Variants in LRP1B observed in about 807,000 individuals in gnomAD.
LRP1B encodes the protein LDL receptor related protein 1B.
LRP1B carries 217 observed loss-of-function variants against 556.6 expected under a neutral mutation model. That is an observed-to-expected ratio of 0.39 (90% CI 0.35 to 0.44). The LOEUF (loss-of-function observed/expected upper bound fraction) is 0.44, where lower values mean the gene tolerates loss of function less well. LRP1B is among the 20% of genes least tolerant of loss of function. The probability of loss-of-function intolerance (pLI) is 1.00; values close to 1 mark genes in which losing one functional copy is unlikely to be tolerated. For synonymous variants in LRP1B, 2,047 were observed against 1,865.8 expected, an observed-to-expected ratio of 1.10 and a Z score of -2.50; for missense variants, 5,053 against 5,620.8, an observed-to-expected ratio of 0.90 and a Z score of 3.23.
chr2:140,600,539 T>C (rs1307013362), intron 42 of LRP1B, among the ~76,000 whole-genome samples: 1 of 152,136 alleles, frequency 6.6e-6, no homozygotes, highest in African/African-American at 2.4e-5. Flanking sequence ...GTCATTGCTT[T>C]TTATTCTTCA....
intron 2 of LRP1B, among the ~76,000 whole-genome samples, chr2:141,677,800 T>C (rs1444249738): frequency 6.6e-6 from 1 of 152,210 alleles, no homozygotes; most frequent in Non-Finnish European, 1.5e-5. Context: ...TATTTTTCTT[T>C]TTCTTAAAAG....
At chr2:140,317,904 C>T (rs1684597430) in intron 82 of LRP1B, among the ~76,000 whole-genome samples, 1 of 149,038 alleles carries the variant, frequency 6.7e-6, no homozygotes, top group Non-Finnish European at 1.5e-5. Context: ...TACATTCTTG[C>T]AAAACTCATA....
At chr2:140,549,757 C>T (rs1335557951) in intron 43 of LRP1B, among the ~76,000 whole-genome samples, 1 of 152,134 alleles carries the variant, frequency 6.6e-6, no homozygotes, top group African/African-American at 2.4e-5. Context: ...CCATTAGTTT[C>T]CCAAATTCAC....
At chr2:141,875,522 A>C (rs1409367883) in intron 1 of LRP1B, among the ~76,000 whole-genome samples, 1 of 152,002 alleles carries the variant, frequency 6.6e-6, no homozygotes, top group African/African-American at 2.4e-5. Context: ...AGTATTTCTG[A>C]AAGTCAGAGA....
At chr2:140,578,228 G>A (rs1681611650) in intron 43 of LRP1B, among the ~76,000 whole-genome samples, 1 of 151,008 alleles carries the variant, frequency 6.6e-6, no homozygotes. Flanking sequence ...TTTTTTCCAA[G>A]GCAGCCTGGT....
intron 1 of LRP1B, among the ~76,000 whole-genome samples, chr2:142,115,677 T>C (rs1472065648): frequency 4.2e-5 from 1 of 23,916 alleles, no homozygotes; most frequent in African/African-American, 1.3e-4. Flanking sequence ...ATATGTAATA[T>C]ATATATAATA....
intron 5 of LRP1B, among the ~76,000 whole-genome samples, chr2:141,234,583 G>C (rs1265517837): frequency 6.6e-6 from 1 of 151,906 alleles, no homozygotes; most frequent in Admixed American, 6.6e-5. Context: ...CACCATGTTG[G>C]CCAGGCTGGT....
At chr2:141,522,446 A>AC (rs1553527661) in intron 2 of LRP1B, among the ~76,000 whole-genome samples, 87 of 152,030 alleles carry the variant, frequency 5.7e-4, no homozygotes, top group Middle Eastern at 6.8e-3. Context: ...CCAATACATC[A>AC]GTTTCCCGGA....
At chr2:140,515,760 T>G (rs1433495960) in intron 50 of LRP1B, among the ~76,000 whole-genome samples, 1 of 152,064 alleles carries the variant, frequency 6.6e-6, no homozygotes, top group Non-Finnish European at 1.5e-5. Context: ...TCTCTGTTAG[T>G]CTTGTTCAAA....
intron 2 of LRP1B, among the ~76,000 whole-genome samples, chr2:141,483,570 G>T (rs1294126630): frequency 6.6e-6 from 1 of 150,812 alleles, no homozygotes; most frequent in Non-Finnish European, 1.5e-5. Context: ...CTACTTTACG[G>T]TCCCACCAAC....
At chr2:141,008,850 G>C (rs1322988512) in intron 14 of LRP1B, among the ~76,000 whole-genome samples, 2 of 151,922 alleles carry the variant, frequency 1.3e-5, no homozygotes, top group Admixed American at 6.6e-5. Context: ...GTACAAGTTT[G>C]TGGATAGATA....
intron 9 of LRP1B, among the ~76,000 whole-genome samples, chr2:141,057,125 C>T (rs1357386054): frequency 6.6e-6 from 1 of 151,826 alleles, no homozygotes; most frequent in Non-Finnish European, 1.5e-5. Context: ...ACCTTCTCCT[C>T]CCTACTACCT....
At chr2:140,740,091 G>A (rs541777985) in intron 35 of LRP1B, among the ~76,000 whole-genome samples, 14 of 152,010 alleles carry the variant, frequency 9.2e-5, no homozygotes, top group Middle Eastern at 3.4e-3. Context: ...AAACTGGTAC[G>A]ACCACTATGG....
intron 1 of LRP1B, among the ~76,000 whole-genome samples, chr2:141,919,155 CTT>C (rs959521614): frequency 1.3e-5 from 2 of 151,976 alleles, no homozygotes; most frequent in African/African-American, 4.8e-5. Flanking sequence ...TATTGGAATA[CTT>C]ATATATATGT....
At chr2:141,441,599 C>T (rs1234214231) in intron 3 of LRP1B, among the ~76,000 whole-genome samples, 1 of 149,544 alleles carries the variant, frequency 6.7e-6, no homozygotes, top group Non-Finnish European at 1.5e-5. Flanking sequence ...TCAGGAATTT[C>T]TGTTTAAAAA....
At chr2:141,184,828 C>T (rs1249427) in intron 7 of LRP1B, among the ~76,000 whole-genome samples, 151,569 of 151,850 alleles carry the variant, frequency 1, 75,644 homozygotes, top group Middle Eastern at 1. Flanking sequence ...CTACACCTTA[C>T]ATACCCTTCA....
chr2:141,215,494 C>A (rs1682764157), intron 6 of LRP1B, among the ~76,000 whole-genome samples: 1 of 152,112 alleles, frequency 6.6e-6, no homozygotes, highest in African/African-American at 2.4e-5. Flanking sequence ...GTTTAGAGGG[C>A]TCAGAAGAAG....
At chr2:140,524,288 G>A (rs1306762572) in intron 49 of LRP1B, among the ~76,000 whole-genome samples, 5 of 151,998 alleles carry the variant, frequency 3.3e-5, no homozygotes, top group African/African-American at 1.2e-4. Context: ...TCTCATAGTA[G>A]TCAGAATGCC....
intron 18 of LRP1B, among the ~76,000 whole-genome samples, chr2:140,955,235 A>C (rs1434460427): frequency 6.6e-6 from 1 of 151,712 alleles, no homozygotes; most frequent in African/African-American, 2.4e-5. Context: ...TGTTTTAAAA[A>C]CCTCTTAAAA....
Sources: gnomAD v4.1 joint callset for allele counts (sites outside exome capture counted in the v4.1 genomes callset) on GRCh38, gnomAD v4.1.1 for gene constraint, MANE v1.5 for transcripts, NCBI Gene and HGNC (gene_info 2026-07-23, HGNC 2026-07-21) for gene names.